The following RIMS2 variants were observed in gnomAD, a reference collection of about 807,000 sequenced individuals.
The protein encoded by RIMS2 is regulating synaptic membrane exocytosis protein 2.
RIMS2 carries 59 observed loss-of-function variants against 174.4 expected under a neutral mutation model. The observed-to-expected ratio is 0.34, with a 90% CI of 0.27 to 0.42. The LOEUF (loss-of-function observed/expected upper bound fraction) is 0.42, where lower values mean the gene tolerates loss of function less well. Among genes scored for constraint, RIMS2 ranks in the 10% least tolerant of loss-of-function variants. The pLI is 1.00. For synonymous variants in RIMS2, 606 were observed against 572.5 expected, an observed-to-expected ratio of 1.06 and a Z score of -0.84; for missense variants, 1,620 against 1,666.3, an observed-to-expected ratio of 0.97 and a Z score of 0.48.
intron 3 of RIMS2, among the ~76,000 whole-genome samples, chr8:103,840,169 C>G (rs1311213677): frequency 6.6e-6 from 1 of 152,142 alleles, no homozygotes; most frequent in Non-Finnish European, 1.5e-5. Flanking sequence ...TACTCAGGAA[C>G]CTGTTAATTA....
rs1326769829 is a variant in RIMS2 at position 103,652,186 on chromosome 8, T to A, written c.177-44900T>A. On this transcript the variant is annotated intron_variant, in intron 1 of 23. Coordinates refer to ENST00000504942, the Ensembl canonical transcript of RIMS2. ...CTTCATAGTACAGTGCACTCAGTTG[T>A]GCAAACTTATCTTTTTAGGGTCAAA... is the stretch of plus-strand genomic sequence containing the variant. 4.5e-6 allele frequency: 6 copies of A among 1,334,910 alleles called. No individual in the cohort carries two copies. Among genetic ancestry groups the A allele is most frequent in the Non-Finnish European group, 6.0e-6 (6 of 1,006,494 alleles). 82.7% of individuals were successfully genotyped at this position (1,334,910 alleles called of 1,614,324 possible).
chr8:104,235,725 G>A (rs1245976333), intron 19 of RIMS2, among the ~76,000 whole-genome samples: 2 of 151,800 alleles, frequency 1.3e-5, no homozygotes, highest in East Asian at 3.9e-4. Flanking sequence ...GACCATTTGA[G>A]CATAAGGTTA....
intron 15 of RIMS2, among the ~76,000 whole-genome samples, chr8:103,965,483 A>C (rs891132674): frequency 1.3e-5 from 2 of 152,130 alleles, no homozygotes; most frequent in Non-Finnish European, 2.9e-5. Context: ...TGGAATATTA[A>C]CCTTATATCC....
At chr8:103,777,065 A>G (rs761741572) in intron 3 of RIMS2, among the ~76,000 whole-genome samples, 1 of 152,128 alleles carries the variant, frequency 6.6e-6, no homozygotes, top group Non-Finnish European at 1.5e-5. Flanking sequence ...GAAGAATTGA[A>G]CACATTAAAC....
intron 1 of RIMS2, among the ~76,000 whole-genome samples, chr8:103,504,313 G>A (rs935007914): frequency 1.3e-5 from 2 of 151,940 alleles, no homozygotes; most frequent in South Asian, 2.1e-4. Context: ...ACACCTGCAC[G>A]TAATAAGTAC....
At chr8:103,974,259 A>C (rs1367647753) in intron 15 of RIMS2, among the ~76,000 whole-genome samples, 1 of 152,204 alleles carries the variant, frequency 6.6e-6, no homozygotes, top group Admixed American at 6.5e-5. Flanking sequence ...GATAGGAAAT[A>C]TTACATATGA....
chr8:103,895,322 A>G (rs1391415689), intron 4 of RIMS2, among the ~76,000 whole-genome samples: 2 of 151,546 alleles, frequency 1.3e-5, no homozygotes, highest in Non-Finnish European at 2.9e-5. Flanking sequence ...TAAAAAGCAG[A>G]TGTTTATTTT....
chr8:103,619,106 A>C (rs1036647008), intron 1 of RIMS2, among the ~76,000 whole-genome samples: 1 of 151,888 alleles, frequency 6.6e-6, no homozygotes, highest in Non-Finnish European at 1.5e-5. Flanking sequence ...AAAAAAAAAA[A>C]AAAAACCAAT....
intron 4 of RIMS2, among the ~76,000 whole-genome samples, chr8:103,908,619 CG>C (rs2075020668): frequency 6.6e-6 from 1 of 152,068 alleles, no homozygotes; most frequent in African/African-American, 2.4e-5. Flanking sequence ...TGCCAGAAAC[CG>C]GGGAGTTAAC....
At chr8:104,097,593 T>A (rs574027924) in intron 19 of RIMS2, among the ~76,000 whole-genome samples, 9 of 150,308 alleles carry the variant, frequency 6.0e-5, no homozygotes, top group African/African-American at 2.0e-4. Context: ...AACACCTATA[T>A]CAGCAGTTAA....
intron 19 of RIMS2, among the ~76,000 whole-genome samples, chr8:104,147,270 C>A (rs1320066956): frequency 6.6e-6 from 1 of 152,082 alleles, no homozygotes; most frequent in Non-Finnish European, 1.5e-5. Context: ...CACACTAACT[C>A]TCTTTGTCCT....
chr8:103,609,955 A>G (rs1163736391), intron 1 of RIMS2, among the ~76,000 whole-genome samples: 2 of 152,176 alleles, frequency 1.3e-5, no homozygotes, highest in African/African-American at 4.8e-5. Flanking sequence ...GATTATTCCC[A>G]TCCATGAGTA....
intron 19 of RIMS2, among the ~76,000 whole-genome samples, chr8:104,210,494 G>A (rs2099100492): frequency 6.6e-6 from 1 of 152,166 alleles, no homozygotes; most frequent in Non-Finnish European, 1.5e-5. Context: ...TGTTCTCTAG[G>A]AAAATTAAAG....
chr8:104,134,188 G>T (rs1380901767), intron 19 of RIMS2, among the ~76,000 whole-genome samples: 1 of 152,184 alleles, frequency 6.6e-6, no homozygotes, highest in East Asian at 1.9e-4. Flanking sequence ...TTTGGGGCCA[G>T]GCACAGTGGC....
rs149185881 is a variant in RIMS2 at position 103,814,664 on chromosome 8, C to T, written c.698+48127C>T. 9.1e-3 allele frequency among the ~76,000 whole-genome samples: 1,386 copies of T among 152,146 alleles called. 11 individuals carry two copies. The highest frequency in any genetic ancestry group is 0.015 in the Non-Finnish European group (992 of 67,994). ...CTGAGGAGGGAGGATTGATTGAGGC[C>T]AGGAGTTCAAGACTAGCCTGGGAAA... On this transcript the variant is annotated intron_variant, in intron 3 of 23. Transcript: ENST00000504942.
chr8:103,561,159 T>C (rs1399798389), intron 1 of RIMS2, among the ~76,000 whole-genome samples: 1 of 152,142 alleles, frequency 6.6e-6, no homozygotes, highest in Non-Finnish European at 1.5e-5. Flanking sequence ...GAATCTGAAA[T>C]ATATATATAT....
chr8:104,018,686 C>T lies in RIMS2; in HGVS notation c.3334+4071C>T, dbSNP rs1319737246. ...AGTACAGTTTTGTTGAAGCTTTAGC[C>T]CATTCTCCTATGGATTTTGAATCTA... On this transcript the variant is annotated intron_variant, in intron 19 of 23. Coordinates refer to ENST00000504942, the Ensembl canonical transcript of RIMS2. Among the ~76,000 whole-genome samples, 3 of 151,732 alleles carry T rather than the reference C, an allele frequency of 2.0e-5. No homozygotes were observed. In the East Asian group the frequency reaches 5.8e-4, roughly 29 times the overall value.
intron 19 of RIMS2, among the ~76,000 whole-genome samples, chr8:104,188,352 C>T (rs2098980553): frequency 6.6e-6 from 1 of 151,494 alleles, no homozygotes; most frequent in Non-Finnish European, 1.5e-5. Flanking sequence ...TTAAAAATTT[C>T]TCAGTATTCC....
At chr8:104,178,906 T>A (rs1322322731) in intron 19 of RIMS2, among the ~76,000 whole-genome samples, 1 of 152,066 alleles carries the variant, frequency 6.6e-6, no homozygotes, top group Non-Finnish European at 1.5e-5. Context: ...ATAAGAGAAA[T>A]TATGCTCAGG....
Sources: gnomAD v4.1 joint callset for allele counts (sites outside exome capture counted in the v4.1 genomes callset) on GRCh38, gnomAD v4.1.1 for gene constraint, MANE v1.5 for transcripts, NCBI Gene and HGNC (gene_info 2026-07-23, HGNC 2026-07-21) for gene names.